The following PIP4K2A variants were observed in gnomAD, a reference collection of about 807,000 sequenced individuals.
PIP4K2A encodes phosphatidylinositol 5-phosphate 4-kinase type-2 alpha.
A neutral mutation model predicts 42.9 loss-of-function variants in PIP4K2A; 14 were observed. That is an observed-to-expected ratio of 0.33 (90% confidence interval 0.22 to 0.51). PIP4K2A has a LOEUF of 0.51. Among genes scored for constraint, PIP4K2A ranks in the 20% least tolerant of loss-of-function variants. The pLI is 0.97. For missense variants in PIP4K2A, 434 were observed against 519.8 expected, an observed-to-expected ratio of 0.83 and a Z score of 1.61; for synonymous variants, 192 against 192.2, an observed-to-expected ratio of 1.00 and a Z score of 0.01.
chr10:22,550,565 T>C lies in PIP4K2A; in HGVS notation c.792+94A>G, dbSNP rs1228125226. 5.7e-5 allele frequency: 44 copies of C among 774,204 alleles called. No homozygotes were observed. In the Admixed American group the frequency reaches 9.0e-4, roughly 16 times the overall value. 48.0% of individuals were successfully genotyped at this position (774,204 alleles called of 1,614,324 possible). A position where few individuals can be genotyped will look rare whatever the true frequency, so the allele number is the denominator to read the frequency against. ...TAGAGTATGCAGGTTTTTGCCTTGATTGAAGATTTAAATAGATGGTTTAAA... is the reference window on the plus strand; with the variant it reads ...TAGAGTATGCAGGTTTTTGCCTTGACTGAAGATTTAAATAGATGGTTTAAA... On this transcript the variant is annotated intron_variant, in intron 7 of 9. Coordinates refer to ENST00000376573, the MANE Select transcript of PIP4K2A (RefSeq NM_005028.5).
chr10:22,550,881 C>G, intron 6 of PIP4K2A, 109 bp from the exon 7 acceptor site: 1 of 705,088 alleles, frequency 1.4e-6, no homozygotes, highest in Admixed American at 2.3e-5. Flanking sequence ...ACCGCCCCCA[C>G]CCCGTTCACC....
At chr10:22,602,402 A>C (rs1837805924) in intron 3 of PIP4K2A, among the ~76,000 whole-genome samples, 1 of 151,706 alleles carries the variant, frequency 6.6e-6, no homozygotes, top group Non-Finnish European at 1.5e-5. Context: ...TATAAAAAAA[A>C]AAAAAGAAAA....
intron 1 of PIP4K2A, among the ~76,000 whole-genome samples, chr10:22,683,438 C>A (rs189137391): frequency 2.0e-5 from 3 of 152,296 alleles, no homozygotes; most frequent in Admixed American, 2.0e-4. Context: ...GACCGCAGAG[C>A]TGACAGTGTG....
At chr10:22,661,349 CTTTTTTTT>C (rs374324575) in intron 1 of PIP4K2A, among the ~76,000 whole-genome samples, 2 of 99,824 alleles carry the variant, frequency 2.0e-5, no homozygotes, top group Admixed American at 1.0e-4. Context: ...ATGATGCTGC[CTTTTTTTT>C]TTTTTTTTTT....
intron 1 of PIP4K2A, among the ~76,000 whole-genome samples, chr10:22,645,841 C>T (rs903083071): frequency 6.6e-6 from 1 of 152,000 alleles, no homozygotes. Flanking sequence ...GCTGGGACTA[C>T]AGGTACGAGC....
chr10:22,683,118 T>C (rs1393440448), intron 1 of PIP4K2A, among the ~76,000 whole-genome samples: 1 of 151,442 alleles, frequency 6.6e-6, no homozygotes, highest in African/African-American at 2.4e-5. Flanking sequence ...ACAGTATAAA[T>C]AAAAATGAAG....
chr10:22,563,972 C>G (rs144625766), intron 6 of PIP4K2A, among the ~76,000 whole-genome samples: 60 of 152,260 alleles, frequency 3.9e-4, no homozygotes, highest in African/African-American at 1.3e-3. Flanking sequence ...ATATTAGATA[C>G]AGGATAAAAG....
chr10:22,590,803 G>A (rs1588647476), intron 4 of PIP4K2A, among the ~76,000 whole-genome samples: 1 of 152,148 alleles, frequency 6.6e-6, no homozygotes, highest in African/African-American at 2.4e-5. Context: ...CCAGGAGGTT[G>A]AGCATGCAGT....
intron 4 of PIP4K2A, among the ~76,000 whole-genome samples, chr10:22,575,678 G>A (rs936938906): frequency 1.3e-5 from 2 of 152,052 alleles, no homozygotes; most frequent in Non-Finnish European, 2.9e-5. Flanking sequence ...GGTGGCTCAC[G>A]CCTGTAATCC....
At chr10:22,697,921 C>T (rs1297514285) in intron 1 of PIP4K2A, among the ~76,000 whole-genome samples, 1 of 152,146 alleles carries the variant, frequency 6.6e-6, no homozygotes, top group Non-Finnish European at 1.5e-5. Flanking sequence ...AGTCTACTTA[C>T]ATGGGAAGAA....
chr10:22,635,319 A>G (rs1209656171), intron 1 of PIP4K2A, among the ~76,000 whole-genome samples: 1 of 152,124 alleles, frequency 6.6e-6, no homozygotes, highest in African/African-American at 2.4e-5. Flanking sequence ...CTGGGATGTC[A>G]GTGGTGGGGA....
At chr10:22,606,625 A>C (rs765286943) in intron 3 of PIP4K2A, among the ~76,000 whole-genome samples, 2 of 152,236 alleles carry the variant, frequency 1.3e-5, no homozygotes, top group African/African-American at 2.4e-5. Flanking sequence ...TCTTTAGGAA[A>C]GTGTGCTAAC....
chr10:22,681,141 G>A lies in PIP4K2A; in HGVS notation c.144+33042C>T, dbSNP rs183552410. Among the ~76,000 whole-genome samples, 377 of 152,154 alleles carry A rather than the reference G, an allele frequency of 2.5e-3. 1 individual carries two copies. Among genetic ancestry groups the A allele is most frequent in the African/African-American group, 8.8e-3 (363 of 41,470 alleles). On this transcript the variant is annotated intron_variant, in intron 1 of 9. Transcript: ENST00000376573. Reference sequence around the variant, plus strand: ...CTTGTCATTTCTTCTCAAATGTATCGTTCTCAGCATAAAAGTGTCTTGCTT... The same window carrying A: ...CTTGTCATTTCTTCTCAAATGTATCATTCTCAGCATAAAAGTGTCTTGCTT...
rs531075217 is a variant in PIP4K2A at position 22,643,005 on chromosome 10, C to G, written c.145-33288G>C. Among the ~76,000 whole-genome samples the G allele has an allele frequency of 7.2e-5, 11 of 152,256 alleles. No homozygotes were observed. In the East Asian group the frequency reaches 1.5e-3, roughly 21 times the overall value. ...TCCTGAATATGAGACCTGGGATTACCTGCCTATTTCATTAAGCAATTTTCA... is the reference window on the plus strand; with the variant it reads ...TCCTGAATATGAGACCTGGGATTACGTGCCTATTTCATTAAGCAATTTTCA... On this transcript the variant is annotated intron_variant, in intron 1 of 9. Transcript: ENST00000376573.
Position 22,649,872 on chromosome 10 carries a change from T to C in PIP4K2A, c.145-40155A>G, listed in dbSNP as rs189380202. Among the ~76,000 whole-genome samples the C allele has an allele frequency of 1.0e-3, 155 of 152,280 alleles. 1 individual carries two copies. The highest frequency in any genetic ancestry group is 9.9e-3 in the Admixed American group (151 of 15,300). On this transcript the variant is annotated intron_variant, in intron 1 of 9. Transcript: ENST00000376573. ...TCAGCAAACGATATCAGCCCTACTTTTTTCCTCTATTTCCTTTATGGCCAT... is the reference window on the plus strand; with the variant it reads ...TCAGCAAACGATATCAGCCCTACTTCTTTCCTCTATTTCCTTTATGGCCAT...
chr10:22,654,823 T>C (rs559583251), intron 1 of PIP4K2A, among the ~76,000 whole-genome samples: 1 of 152,372 alleles, frequency 6.6e-6, no homozygotes, highest in Non-Finnish European at 1.5e-5. Context: ...TGTGTGCGAC[T>C]GCTTTGAAAC....
intron 5 of PIP4K2A, among the ~76,000 whole-genome samples, chr10:22,570,083 T>TA (rs368992209): frequency 2.0e-3 from 296 of 145,586 alleles, no homozygotes; most frequent in African/African-American, 5.4e-3. Flanking sequence ...GCAGGGGGAT[T>TA]AAAAAAAAAA....
chr10:22,654,963 C>T lies in PIP4K2A; in HGVS notation c.145-45246G>A, dbSNP rs530830222. ...ATGAGTGGACTGAAAAAACAGTGCA[C>T]CAGGAGGGTGGCTCACACCTATAAT... On this transcript the variant is annotated intron_variant, in intron 1 of 9. Transcript: ENST00000376573. Among the ~76,000 whole-genome samples the T allele has an allele frequency of 3.3e-5, 5 of 152,212 alleles. No individual in the cohort carries two copies. In the South Asian group the frequency reaches 1.0e-3, roughly 32 times the overall value.
At chr10:22,602,431 GAAAAAGA>G (rs373284935) in intron 3 of PIP4K2A, among the ~76,000 whole-genome samples, 176 of 150,360 alleles carry the variant, frequency 1.2e-3, no homozygotes, top group African/African-American at 4.2e-3. Flanking sequence ...AAGAAAGAAA[GAAAAAGA>G]AAAAAGAAAA....
Sources: allele counts gnomAD v4.1 joint callset (sites outside exome capture counted in the v4.1 genomes callset), GRCh38; gene constraint gnomAD v4.1.1; transcripts MANE v1.5; gene names NCBI Gene and HGNC (gene_info 2026-07-23, HGNC 2026-07-21).